The following ZNF574 variants were observed in gnomAD, a reference collection of about 807,000 sequenced individuals.
ZNF574 encodes the protein zinc finger protein 574.
A neutral mutation model predicts 56.6 loss-of-function variants in ZNF574; 25 were observed. The observed-to-expected ratio is 0.44, with a 90% CI of 0.32 to 0.62. The LOEUF is 0.62. ZNF574 is among the 20% of genes least tolerant of loss of function. The pLI is 0.04. For missense variants in ZNF574, 1,065 were observed against 1,218.9 expected, an observed-to-expected ratio of 0.87 and a Z score of 1.88; for synonymous variants, 543 against 492.1, an observed-to-expected ratio of 1.10 and a Z score of -1.37.
In ZNF574 at chr19:42,078,925, G is replaced by T. The variant is rs1241440155; in HGVS notation, c.319G>T (p.Ala107Ser). Residue 107 changes from alanine (A) to serine (S), a missense_variant, in exon 2 of 2, where the codon GCA becomes TCA. By Grantham distance (99) the Ala-to-Ser change is moderately conservative (BLOSUM62 1). Transcript: ENST00000359044. ...LHLKMMAPQE[A>S]VPAEPSPKAP... ...CCTGAAGATGATGGCACCCCAGGAG[G>T]CAGTGCCAGCTGAGCCATCACCTAA... 3.1e-6 allele frequency: 5 copies of T among 1,614,008 alleles called. No homozygotes were observed. In the Admixed American group the frequency reaches 8.3e-5, roughly 27 times the overall value.
upstream of ZNF574, among the ~76,000 whole-genome samples, chr19:42,071,365 C>T (rs769420733): frequency 3.9e-5 from 6 of 152,062 alleles, no homozygotes; most frequent in Non-Finnish European, 8.8e-5. Flanking sequence ...CTCACCACCA[C>T]CCCCGATGCT....
upstream of ZNF574, among the ~76,000 whole-genome samples, chr19:42,071,214 A>G (rs1400805634): frequency 1.3e-5 from 2 of 149,322 alleles, no homozygotes; most frequent in Admixed American, 1.3e-4. Context: ...GCAGCCTCTC[A>G]GAAGGAGCTG....
In ZNF574 at chr19:42,081,064, C is replaced by T. The variant is rs751991078; in HGVS notation, c.2458C>T (p.Arg820Ter). 3.7e-6 allele frequency: 6 copies of T among 1,614,218 alleles called. No individual in the cohort carries two copies. The highest frequency in any genetic ancestry group is 1.7e-5 in the Admixed American group (1 of 60,034). ...ACATCGCCGCATCCACACAGGCGAACGACCCTACTCCTGCCCTGACTGTGG... is the reference window on the plus strand; with the variant it reads ...ACATCGCCGCATCCACACAGGCGAATGACCCTACTCCTGCCCTGACTGTGG... ...AEHRRIHTGE[R>*]PYSCPDCGKS... is the part of the protein sequence containing the mutation. Residue 820 changes from arginine to a stop codon, truncating the protein, a stop_gained, in exon 2 of 2, where the codon CGA becomes TGA. Transcript: ENST00000359044. LOFTEE classifies it high-confidence loss of function.
chr19:42,081,487 A>C lies in ZNF574; in HGVS notation c.*190A>C. ...TTGACACACATAAAGGTGCCCCCCC[A>C]CCTTCCACCTCTTAGCACTGGTGAC... On this transcript the variant is annotated 3_prime_UTR_variant, in exon 2 of 2. Coordinates refer to ENST00000359044, the MANE Select transcript of ZNF574 (RefSeq NM_022752.6). 2 of 712,140 alleles carry C rather than the reference A, an allele frequency of 2.8e-6. No homozygotes were observed. Among genetic ancestry groups the C allele is most frequent in the Middle Eastern group, 4.9e-4 (2 of 4,070 alleles). 44.1% of individuals were successfully genotyped at this position (712,140 alleles called of 1,614,324 possible). A position where few individuals can be genotyped will look rare whatever the true frequency, so the allele number is the denominator to read the frequency against.
chr19:42,078,891 G>A lies in ZNF574; in HGVS notation c.285G>A (p.Gln95=), dbSNP rs563200504. ...CACCCAGCCAGCTCCTGGAGCACCA[G>A]GAGCTGCACCTGAAGATGATGGCAC... ...LMSPSQLLEH[Q]ELHLKMMAPQ... is the part of the protein sequence containing the mutation. The change falls in exon 2 of 2, where the codon CAG becomes CAA. Residue 95 remains glutamine (Q), a synonymous_variant. Coordinates refer to ENST00000359044, the MANE Select transcript of ZNF574 (RefSeq NM_022752.6). 6.2e-7 allele frequency: 1 copy of A among 1,614,106 alleles called. No homozygotes were observed. The highest frequency in any genetic ancestry group is 1.1e-5 in the South Asian group (1 of 91,080).
intron 1 of ZNF574, among the ~76,000 whole-genome samples, chr19:42,077,501 G>A (rs888761838): frequency 6.6e-6 from 1 of 152,114 alleles, no homozygotes; most frequent in Non-Finnish European, 1.5e-5. Flanking sequence ...GGATTTGAGG[G>A]GGGGCTCTGT....
At chr19:42,073,900 G>A (rs1057399519), upstream of ZNF574, among the ~76,000 whole-genome samples, 12 of 150,320 alleles carry the variant, frequency 8.0e-5, no homozygotes, top group Non-Finnish European at 1.3e-4. Flanking sequence ...GAGGCTGGGT[G>A]GGGGGGTGGA....
Position 42,079,156 on chromosome 19 carries a change from C to G in ZNF574, c.550C>G (p.Arg184Gly). 1.2e-6 allele frequency: 2 copies of G among 1,613,968 alleles called. No individual in the cohort carries two copies. Among genetic ancestry groups the G allele is most frequent in the Non-Finnish European group, 1.7e-6 (2 of 1,179,992 alleles). The change falls in exon 2 of 2, where the codon CGA (arginine) becomes GGA (glycine). Residue 184 changes from arginine (R) to glycine (G), a missense_variant. Transcript: ENST00000359044. This position sits in a 1 kb window ranked among gnomAD's most constrained non-coding sequence, Gnocchi z 4.3. ...QARVAVEHSY[R>G]KAEEGGEGAT... Reference sequence around the variant, plus strand: ...CCGAGTGGCTGTGGAGCACTCATACCGAAAGGCAGAAGAGGGTGGGGAAGG... The same window carrying G: ...CCGAGTGGCTGTGGAGCACTCATACGGAAAGGCAGAAGAGGGTGGGGAAGG...
In ZNF574 at chr19:42,080,234, TCA is replaced by T. The variant is rs1568945616; in HGVS notation, c.1637_1638del (p.Thr546ArgfsTer58). On this transcript the variant is annotated frameshift_variant, in exon 2 of 2. Transcript: ENST00000359044. LOFTEE classifies it high-confidence loss of function. The surrounding 1 kb of genome is among the most constrained non-coding windows in gnomAD (Gnocchi z 8.5). ...CCTGCCAACCTGGCCCGCCACCGGC[TCA>T]CACACACAGGAGAGCGGCCCTACCG... 6.2e-7 allele frequency: 1 copy of T among 1,613,790 alleles called. No individual in the cohort carries two copies. The highest frequency in any genetic ancestry group is 1.7e-5 in the Admixed American group (1 of 59,976).
At chr19:42,072,936 C>G (rs2076434269), upstream of ZNF574, among the ~76,000 whole-genome samples, 1 of 152,338 alleles carries the variant, frequency 6.6e-6, no homozygotes, top group East Asian at 1.9e-4. Flanking sequence ...GGTCACACAG[C>G]CTGTCAAAAA....
rs753130288 is a variant in ZNF574 at position 42,078,747 on chromosome 19, G to A, written c.141G>A (p.Val47=). 4.3e-6 allele frequency: 7 copies of A among 1,613,966 alleles called. No individual in the cohort carries two copies. The highest frequency in any genetic ancestry group is 5.9e-6 in the Non-Finnish European group (7 of 1,179,994). Residue 47 remains valine (V), a synonymous_variant, in exon 2 of 2, where the codon GTG becomes GTA. Coordinates refer to ENST00000359044, the MANE Select transcript of ZNF574 (RefSeq NM_022752.6). Reference sequence around the variant, plus strand: ...TGCCCCAGCAGCACTTTGAGCTGGTGGGCGTGGCTGATCCCGGAGTCACTG... The same window carrying A: ...TGCCCCAGCAGCACTTTGAGCTGGTAGGCGTGGCTGATCCCGGAGTCACTG... ...SHVPQQHFEL[V]GVADPGVTVA... is the part of the protein sequence containing the mutation.
In ZNF574 at chr19:42,079,475, G is replaced by A; in HGVS notation, c.869G>A (p.Gly290Glu). Residue 290 changes from glycine (G) to glutamate (E), a missense_variant, in exon 2 of 2, where the codon GGG becomes GAG. Coordinates refer to ENST00000359044, the MANE Select transcript of ZNF574 (RefSeq NM_022752.6). The surrounding 1 kb of genome is among the most constrained non-coding windows in gnomAD (Gnocchi z 4.3). Reference protein sequence around the residue: ...NGEAIGRDRRGRRARRNNSGE... With the variant: ...NGEAIGRDRRERRARRNNSGE... ...GAAGCCATTGGGCGGGATCGCCGGG[G>A]GCGCAGGGCCCGGAGGAACAACAGT... 6.2e-7 allele frequency: 1 copy of A among 1,613,672 alleles called. No individual in the cohort carries two copies. The highest frequency in any genetic ancestry group is 1.6e-4 in the Middle Eastern group (1 of 6,062).
rs753444676 is a variant in ZNF574, at chr19:42,079,563, C to G, written c.957C>G (p.Leu319=). Residue 319 remains leucine (L), a synonymous_variant, in exon 2 of 2, where the codon CTC becomes CTG. Transcript: ENST00000359044. This position sits in a 1 kb window ranked among gnomAD's most constrained non-coding sequence, Gnocchi z 4.3. Reference sequence around the variant, plus strand: ...GCTCAGCCTGTGACCAGCTCTTTCTCTCACCCCACCAGCTACAGCAGCACC... The same window carrying G: ...GCTCAGCCTGTGACCAGCTCTTTCTGTCACCCCACCAGCTACAGCAGCACC... ...LFCSACDQLF[L]SPHQLQQHLR... 28 of 1,614,158 alleles carry G rather than the reference C, an allele frequency of 1.7e-5. No individual in the cohort carries two copies. The highest frequency in any genetic ancestry group is 7.7e-5 in the South Asian group (7 of 91,086).
intron 1 of ZNF574, among the ~76,000 whole-genome samples, chr19:42,077,419 G>A (rs2076463537): frequency 6.6e-6 from 1 of 152,074 alleles, no homozygotes; most frequent in South Asian, 2.1e-4. Flanking sequence ...GGGTTAGGGT[G>A]GGTTGGGTCT....
In ZNF574 at chr19:42,079,516, G is replaced by A. The variant is rs913076516; in HGVS notation, c.910G>A (p.Ala304Thr). 1.2e-6 allele frequency: 2 copies of A among 1,613,772 alleles called. No homozygotes were observed. Among genetic ancestry groups the A allele is most frequent in the Non-Finnish European group, 1.7e-6 (2 of 1,180,048 alleles). ...GAACAACAGTGGAGAAGCAGGCGGG[G>A]CAGCCACACAGGAGCTCTTCTGCTC... is the stretch of plus-strand genomic sequence containing the variant. ...RRNNSGEAGG[A>T]ATQELFCSAC... is the part of the protein sequence containing the mutation. Residue 304 changes from alanine to threonine, a missense_variant, in exon 2 of 2, where the codon GCA becomes ACA. By Grantham distance (58) the Ala-to-Thr change is moderately conservative (BLOSUM62 0). Transcript: ENST00000359044. This position sits in a 1 kb window ranked among gnomAD's most constrained non-coding sequence, Gnocchi z 4.3.
chr19:42,076,038 C>A (rs1310670393), upstream of ZNF574: 1 of 152,302 alleles, frequency 6.6e-6, no homozygotes, highest in Non-Finnish European at 1.5e-5. Context: ...TTGGCCCAAG[C>A]CTCAGAGACA....
In ZNF574 at chr19:42,069,367, G is replaced by A. The variant is rs565293690; in HGVS notation, c.250+406G>A. Reference sequence around the variant, plus strand: ...GGCAGTCCACAGGGCCCCCTCCCCCGCCGCCGGTGGTGGCTCCCAACTAAT... The same window carrying A: ...GGCAGTCCACAGGGCCCCCTCCCCCACCGCCGGTGGTGGCTCCCAACTAAT... On this transcript the variant is annotated intron_variant, in intron 1 of 1. Transcript: ENST00000222339. The A allele has an allele frequency of 1.5e-3, 239 of 155,838 alleles. 1 individual carries two copies. Among genetic ancestry groups the A allele is most frequent in the Admixed American group, 3.5e-3 (53 of 15,320 alleles). 9.7% of individuals were successfully genotyped at this position (155,838 alleles called of 1,614,324 possible). A position where few individuals can be genotyped will look rare whatever the true frequency, so the allele number is the denominator to read the frequency against.
Position 42,078,471 on chromosome 19 carries a change from T to C in ZNF574, c.-20-116T>C, listed in dbSNP as rs2076470570. On this transcript the variant is annotated intron_variant, in intron 1 of 1. Coordinates refer to ENST00000359044, the MANE Select transcript of ZNF574 (RefSeq NM_022752.6). ...TGGGAGGGAGGCAGAATTTTAAAAA[T>C]CGAAGGAAGAACTTAAGGGGGTGTA... The C allele has an allele frequency of 5.5e-6, 5 of 916,648 alleles. No individual in the cohort carries two copies. In the Admixed American group the frequency reaches 1.2e-4, roughly 22 times the overall value. 56.8% of individuals were successfully genotyped at this position (916,648 alleles called of 1,614,324 possible).
In ZNF574 at chr19:42,080,202, C is replaced by T. The variant is rs776564005; in HGVS notation, c.1596C>T (p.Phe532=). ...CCTGCCCTGACTGCTCCAAGCCCTT[C>T]AACTCACCTGCCAACCTGGCCCGCC... The part of the protein sequence containing the change: ...PFPCPDCSKP[F]NSPANLARHR... Residue 532 remains phenylalanine, a synonymous_variant, in exon 2 of 2, where the codon TTC becomes TTT. Coordinates refer to ENST00000359044, the MANE Select transcript of ZNF574 (RefSeq NM_022752.6). This position sits in a 1 kb window ranked among gnomAD's most constrained non-coding sequence, Gnocchi z 8.5. 6.2e-7 allele frequency: 1 copy of T among 1,614,072 alleles called. No homozygotes were observed. The highest frequency in any genetic ancestry group is 8.5e-7 in the Non-Finnish European group (1 of 1,180,030).
Sources: gnomAD v4.1 joint callset for allele counts (sites outside exome capture counted in the v4.1 genomes callset) on GRCh38, gnomAD v4.1.1 for gene constraint, Gnocchi (gnomAD v3.1) non-coding constraint, MANE v1.5 for transcripts, NCBI Gene and HGNC (gene_info 2026-07-23, HGNC 2026-07-21) for gene names.